Variants in GALNT13 observed in about 807,000 individuals in gnomAD.
GALNT13 encodes polypeptide N-acetylgalactosaminyltransferase 13.
GALNT13 carries 28 observed loss-of-function variants against 64.2 expected under a neutral mutation model. The ratio of observed to expected loss-of-function variants is 0.44; its 90% confidence interval spans 0.32 to 0.60. The LOEUF is 0.60. GALNT13 is among the 20% of genes least tolerant of loss of function. GALNT13 has a pLI of 0.05. For synonymous variants in GALNT13, 214 were observed against 224.6 expected, an observed-to-expected ratio of 0.95 and a Z score of 0.42; for missense variants, 577 against 669.8, an observed-to-expected ratio of 0.86 and a Z score of 1.53.
chr2:154,027,601 T>G (rs569754353), intron 3 of GALNT13, among the ~76,000 whole-genome samples: 2 of 152,298 alleles, frequency 1.3e-5, no homozygotes, highest in Admixed American at 1.3e-4. Context: ...TAGAACTGTT[T>G]AAGCATGACC....
At chr2:153,983,034 TAAC>T (rs1694572555) in intron 3 of GALNT13, among the ~76,000 whole-genome samples, 1 of 151,884 alleles carries the variant, frequency 6.6e-6, no homozygotes, top group Non-Finnish European at 1.5e-5. Context: ...TAGACAATAA[TAAC>T]AATTTTATAA....
At chr2:154,108,546 T>C (rs1490149658) in intron 3 of GALNT13, among the ~76,000 whole-genome samples, 1 of 152,156 alleles carries the variant, frequency 6.6e-6, no homozygotes, top group African/African-American at 2.4e-5. Context: ...ATTTTCACAC[T>C]GTTAATTGTC....
the GALNT13 span, among the ~76,000 whole-genome samples, chr2:153,758,289 G>C: frequency 1.4e-5 from 2 of 141,506 alleles, no homozygotes; most frequent in African/African-American, 5.4e-5. Flanking sequence ...TCAATTGACA[G>C]TGAATAAATG....
intron 9 of GALNT13, among the ~76,000 whole-genome samples, chr2:154,303,670 C>T (rs1190458581): frequency 6.6e-6 from 1 of 152,068 alleles, no homozygotes; most frequent in African/African-American, 2.4e-5. Context: ...TAAATAAACC[C>T]ATCTAATGAG....
chr2:153,493,192 A>G, the GALNT13 span, among the ~76,000 whole-genome samples: 2 of 152,118 alleles, frequency 1.3e-5, no homozygotes, highest in Admixed American at 6.5e-5. Flanking sequence ...AATAGAAAGC[A>G]GGCAAACAAT....
At chr2:154,256,063 GA>G (rs985304715) in intron 7 of GALNT13, among the ~76,000 whole-genome samples, 10 of 145,542 alleles carry the variant, frequency 6.9e-5, no homozygotes, top group East Asian at 2.0e-4. Flanking sequence ...CTCAAAAAAA[GA>G]AAAAAAAAAC....
At chr2:154,284,455 G>A (rs1284826140) in intron 8 of GALNT13, among the ~76,000 whole-genome samples, 1 of 150,720 alleles carries the variant, frequency 6.6e-6, no homozygotes, top group Non-Finnish European at 1.5e-5. Context: ...CCTTTTTTCA[G>A]CTGTGTAACA....
chr2:153,800,076 CTCT>C, the GALNT13 span, among the ~76,000 whole-genome samples: 1 of 148,114 alleles, frequency 6.8e-6, no homozygotes, highest in African/African-American at 2.6e-5. Context: ...CTCTCTCTCT[CTCT>C]CTCTCCACCC....
chr2:153,327,653 A>G, the GALNT13 span, among the ~76,000 whole-genome samples: 4 of 151,922 alleles, frequency 2.6e-5, no homozygotes, highest in Middle Eastern at 3.4e-3. Flanking sequence ...TAGATCATTT[A>G]TATTCTTCTC....
the GALNT13 span, among the ~76,000 whole-genome samples, chr2:153,189,529 T>G: frequency 6.6e-6 from 1 of 152,142 alleles, no homozygotes; most frequent in African/African-American, 2.4e-5. Context: ...ATTCCGTATT[T>G]TGGCAATTGT....
the GALNT13 span, among the ~76,000 whole-genome samples, chr2:153,665,941 C>T: frequency 6.6e-6 from 1 of 152,148 alleles, no homozygotes; most frequent in African/African-American, 2.4e-5. Flanking sequence ...ATGCCCATCC[C>T]TCAATGCTTG....
At chr2:154,303,883 CA>C (rs1490584633) in intron 9 of GALNT13, among the ~76,000 whole-genome samples, 1 of 151,868 alleles carries the variant, frequency 6.6e-6, no homozygotes. Context: ...TCAGCCTCTC[CA>C]GTAGCTGGGA....
chr2:153,395,749 A>G, the GALNT13 span, among the ~76,000 whole-genome samples: 1 of 152,128 alleles, frequency 6.6e-6, no homozygotes, highest in African/African-American at 2.4e-5. Flanking sequence ...CAGGTGATGA[A>G]TATTTCAGGG....
intron 3 of GALNT13, among the ~76,000 whole-genome samples, chr2:153,974,326 A>G (rs995503337): frequency 5.3e-5 from 8 of 152,260 alleles, no homozygotes; most frequent in African/African-American, 1.7e-4. Context: ...TTTGTATGAG[A>G]CAGATTTGTA....
At chr2:153,208,632 A>G in the GALNT13 span, among the ~76,000 whole-genome samples, 1 of 152,180 alleles carries the variant, frequency 6.6e-6, no homozygotes, top group African/African-American at 2.4e-5. Context: ...GTCTTTGTGT[A>G]GGCATTCATT....
chr2:153,514,923 C>T, the GALNT13 span, among the ~76,000 whole-genome samples: 3 of 152,240 alleles, frequency 2.0e-5, no homozygotes, highest in East Asian at 1.9e-4. Flanking sequence ...TCCCTCTGCC[C>T]ACCCACTCCT....
the GALNT13 span, among the ~76,000 whole-genome samples, chr2:153,468,991 A>G: frequency 2.6e-5 from 4 of 152,158 alleles, no homozygotes; most frequent in African/African-American, 9.6e-5. Flanking sequence ...AAAGCAATCA[A>G]GAATTATTCA....
At chr2:153,104,566 G>T in the GALNT13 span, among the ~76,000 whole-genome samples, 1 of 152,046 alleles carries the variant, frequency 6.6e-6, no homozygotes, top group Non-Finnish European at 1.5e-5. Flanking sequence ...TTTATATTTT[G>T]GAGTTTGAGG....
chr2:154,415,879 A>G lies in GALNT13; in HGVS notation c.1395+6797A>G, dbSNP rs542525795. On this transcript the variant is annotated intron_variant, in intron 11 of 12. Coordinates refer to ENST00000392825, the MANE Select transcript of GALNT13 (RefSeq NM_052917.4). ...AATACTAATTTGGTCCCTTTTTAGT[A>G]GCTTGCACAGTGGAATTAAAACTTA... Among the ~76,000 whole-genome samples, 21 of 152,298 alleles carry G rather than the reference A, an allele frequency of 1.4e-4. No homozygotes were observed. In the South Asian group the frequency reaches 4.3e-3, roughly 32 times the overall value.
Sources: allele counts gnomAD v4.1 joint callset (sites outside exome capture counted in the v4.1 genomes callset), GRCh38; gene constraint gnomAD v4.1.1; transcripts MANE v1.5; gene names NCBI Gene and HGNC (gene_info 2026-07-23, HGNC 2026-07-21).